The following CNBD1 variants were observed in gnomAD, a reference collection of about 807,000 sequenced individuals.
CNBD1 encodes cyclic nucleotide binding domain containing 1.
Under a neutral mutation model 54.4 loss-of-function variants are expected in CNBD1, and 71 were observed. The observed-to-expected ratio is 1.30, with a 90% CI of 1.08 to 1.59. The LOEUF is 1.59. CNBD1 is among the 40% of genes most tolerant of loss of function. The pLI is 0.00. For synonymous variants in CNBD1, 182 were observed against 170.7 expected (o/e 1.07, Z -0.51); for missense variants, 659 against 518.0 (o/e 1.27, Z -2.64).
At chr8:87,383,357 G>C (rs1002505364), downstream of CNBD1, among the ~76,000 whole-genome samples, 1 of 152,016 alleles carries the variant, frequency 6.6e-6, no homozygotes, top group South Asian at 2.1e-4. Flanking sequence ...CCTTAGTAAG[G>C]GGGAAAACCG....
intron 10 of CNBD1, among the ~76,000 whole-genome samples, chr8:87,358,710 A>T (rs1335962330): frequency 6.6e-6 from 1 of 152,154 alleles, no homozygotes; most frequent in Non-Finnish European, 1.5e-5. Flanking sequence ...GGTATAATTC[A>T]GGTTGTGTCT....
intron 4 of CNBD1, among the ~76,000 whole-genome samples, chr8:87,088,441 T>G (rs1200619194): frequency 6.6e-6 from 1 of 152,232 alleles, no homozygotes; most frequent in Admixed American, 6.5e-5. Context: ...AGAGTATGTA[T>G]GACTTTTATA....
intron 4 of CNBD1, among the ~76,000 whole-genome samples, chr8:86,977,518 G>T (rs759785220): frequency 6.6e-6 from 1 of 151,804 alleles, no homozygotes; most frequent in Non-Finnish European, 1.5e-5. Context: ...GAAGACTCAA[G>T]TAAAATCAGA....
At chr8:87,205,235 T>C (rs1024459467) in intron 4 of CNBD1, among the ~76,000 whole-genome samples, 5 of 152,174 alleles carry the variant, frequency 3.3e-5, no homozygotes, top group Non-Finnish European at 7.3e-5. Context: ...GGTTTCACCA[T>C]GTTGGCCAGG....
chr8:87,206,152 G>T lies in CNBD1; in HGVS notation c.577+14G>T. On this transcript the variant is annotated intron_variant, in intron 5 of 10. Coordinates refer to ENST00000518476, the MANE Select transcript of CNBD1 (RefSeq NM_173538.3). ...AAGGCAGCACAGGTAATAGACTAAT[G>T]TGGGATAAATTTGGCGAGATAAAAT... 6.5e-7 allele frequency: 1 copy of T among 1,534,354 alleles called. No individual in the cohort carries two copies. Among genetic ancestry groups the T allele is most frequent in the Non-Finnish European group, 8.8e-7 (1 of 1,141,182 alleles).
intron 1 of CNBD1, among the ~76,000 whole-genome samples, chr8:86,883,977 C>A (rs564211687): frequency 6.6e-6 from 1 of 152,016 alleles, no homozygotes; most frequent in South Asian, 2.1e-4. Flanking sequence ...CGGTGAAACC[C>A]CGTCTCTACT....
intron 2 of CNBD1, among the ~76,000 whole-genome samples, chr8:87,392,394 T>G (rs116763652): frequency 0.019 from 2,872 of 151,960 alleles, 92 homozygotes; most frequent in African/African-American, 0.063. Flanking sequence ...TAGCCAAAAA[T>G]CAGAAACAAC....
At chr8:87,411,859 C>T (rs927445726) in intron 2 of CNBD1, among the ~76,000 whole-genome samples, 2 of 151,520 alleles carry the variant, frequency 1.3e-5, no homozygotes, top group Non-Finnish European at 2.9e-5. Context: ...TAATAAGTGA[C>T]CATGAAGGGA....
At chr8:87,228,422 G>A (rs1435518615) in intron 5 of CNBD1, among the ~76,000 whole-genome samples, 2 of 148,926 alleles carry the variant, frequency 1.3e-5, no homozygotes, top group Admixed American at 1.3e-4. Context: ...GGTTTTTGGT[G>A]TGGATGTCCT....
chr8:86,880,160 T>C (rs1468481115), intron 1 of CNBD1, among the ~76,000 whole-genome samples: 2 of 152,192 alleles, frequency 1.3e-5, no homozygotes, highest in East Asian at 3.9e-4. Flanking sequence ...GATATTGAGC[T>C]GTGGCAAGCA....
intron 4 of CNBD1, among the ~76,000 whole-genome samples, chr8:87,185,863 T>C (rs1336750132): frequency 6.6e-6 from 1 of 152,182 alleles, no homozygotes; most frequent in East Asian, 1.9e-4. Context: ...TAAGTTCCTT[T>C]GACTGTCTCC....
chr8:87,257,369 C>CAAAAAAAAAAAAAAAA (rs771338208), intron 6 of CNBD1, among the ~76,000 whole-genome samples: 8 of 67,536 alleles, frequency 1.2e-4, no homozygotes, highest in African/African-American at 3.3e-4. Flanking sequence ...AACTCTATCG[C>CAAAAAAAAAAAAAAAA]AAAAAAAAAA....
chr8:87,019,668 G>A (rs1446241127), intron 4 of CNBD1, among the ~76,000 whole-genome samples: 1 of 151,938 alleles, frequency 6.6e-6, no homozygotes, highest in Non-Finnish European at 1.5e-5. Context: ...ACCTAACGTC[G>A]GGAGTTCGAG....
intron 8 of CNBD1, among the ~76,000 whole-genome samples, chr8:87,351,137 GTTA>G (rs897608811): frequency 6.6e-6 from 1 of 152,112 alleles, no homozygotes; most frequent in Non-Finnish European, 1.5e-5. Flanking sequence ...GCTCAGAGGG[GTTA>G]TGTCATTTAT....
intron 3 of CNBD1, among the ~76,000 whole-genome samples, chr8:86,938,471 G>T (rs1249894472): frequency 6.6e-6 from 1 of 152,034 alleles, no homozygotes; most frequent in Non-Finnish European, 1.5e-5. Flanking sequence ...AAGGAAAGAG[G>T]TTTAATAGAC....
Position 87,327,184 on chromosome 8 carries a change from G to T in CNBD1, c.1043-24501G>T, listed in dbSNP as rs571281473. Reference sequence around the variant, plus strand: ...GTTCTCAGATCTCCAGCTGCGTGCTGGGAGAACCACTGCTCTCTTCAAAGC... The same window carrying T: ...GTTCTCAGATCTCCAGCTGCGTGCTTGGAGAACCACTGCTCTCTTCAAAGC... On this transcript the variant is annotated intron_variant, in intron 8 of 10. Transcript: ENST00000518476. Among the ~76,000 whole-genome samples the T allele has an allele frequency of 1.8e-4, 26 of 141,314 alleles. No individual in the cohort carries two copies. In the East Asian group the frequency reaches 2.3e-3, roughly 13 times the overall value. The allele number at this position is 141,314 out of a possible 152,430, so 92.7% of individuals were successfully genotyped here. A position where few individuals can be genotyped will look rare whatever the true frequency, so the allele number is the denominator to read the frequency against.
intron 2 of CNBD1, among the ~76,000 whole-genome samples, chr8:87,400,824 G>A (rs1387970734): frequency 6.6e-6 from 1 of 151,968 alleles, no homozygotes; most frequent in East Asian, 1.9e-4. Flanking sequence ...GGTTGACATA[G>A]TGATTTCAAC....
chr8:87,344,708 CA>C (rs138911207), intron 8 of CNBD1, among the ~76,000 whole-genome samples: 8,863 of 151,974 alleles, frequency 0.058, 812 homozygotes, highest in African/African-American at 0.2. Flanking sequence ...TTTCACATAA[CA>C]AAAAAATTAC....
intron 1 of CNBD1, among the ~76,000 whole-genome samples, chr8:86,871,762 G>A (rs768473419): frequency 1.3e-5 from 2 of 152,182 alleles, no homozygotes; most frequent in Non-Finnish European, 2.9e-5. Flanking sequence ...TTCCCCTTCT[G>A]TGGAAGAAGT....
Sources: allele counts gnomAD v4.1 joint callset (sites outside exome capture counted in the v4.1 genomes callset), GRCh38; gene constraint gnomAD v4.1.1; transcripts MANE v1.5; gene names NCBI Gene and HGNC (gene_info 2026-07-23, HGNC 2026-07-21).